PITPNB: variants seen among roughly 807,000 people sequenced by gnomAD.
The protein encoded by PITPNB is phosphatidylinositol transfer protein beta.
A neutral mutation model predicts 45.9 loss-of-function variants in PITPNB; 16 were observed. That is an observed-to-expected ratio of 0.35 (90% CI 0.24 to 0.53). The LOEUF (loss-of-function observed/expected upper bound fraction) is 0.53. Among genes scored for constraint, PITPNB ranks in the 20% least tolerant of loss-of-function variants. The pLI is 0.93. For synonymous variants in PITPNB, 112 were observed against 108.9 expected, an observed-to-expected ratio of 1.03 and a Z score of -0.18; for missense variants, 188 against 330.5, an observed-to-expected ratio of 0.57 and a Z score of 3.34.
chr22:27,887,648 T>C (rs1180362304), intron 7 of PITPNB, among the ~76,000 whole-genome samples: 1 of 151,642 alleles, frequency 6.6e-6, no homozygotes, highest in Non-Finnish European at 1.5e-5. Flanking sequence ...GGCCTATTCA[T>C]AGTTACTAAG....
intron 2 of PITPNB, among the ~76,000 whole-genome samples, chr22:27,913,569 T>C (rs1390318884): frequency 6.6e-6 from 1 of 152,244 alleles, no homozygotes; most frequent in Non-Finnish European, 1.5e-5. Flanking sequence ...GAATAGGTGA[T>C]ATATTTCTGT....
At chr22:27,873,958 G>T in intron 7 of PITPNB, 143 bp from the exon 8 acceptor site, 1 of 605,374 alleles carries the variant, frequency 1.7e-6, no homozygotes, top group Non-Finnish European at 3.0e-6. Flanking sequence ...GTAGAAAAAT[G>T]CTTCTTTAAG....
intron 1 of PITPNB, 96 bp downstream of exon 1, chr22:27,919,076 C>T (rs752298079): frequency 5.7e-5 from 91 of 1,595,192 alleles, no homozygotes; most frequent in Non-Finnish European, 7.6e-5. Flanking sequence ...TGACACAGGG[C>T]TGACTCCGAT....
intron 10 of PITPNB, 111 bp downstream of exon 10, chr22:27,858,276 G>A: frequency 2.5e-6 from 2 of 808,772 alleles, no homozygotes; most frequent in Non-Finnish European, 3.9e-6. Flanking sequence ...AGTAGAATAG[G>A]GAATGATTTT....
At chr22:27,859,096 C>T (rs914657944) in intron 9 of PITPNB, among the ~76,000 whole-genome samples, 3 of 152,030 alleles carry the variant, frequency 2.0e-5, no homozygotes, top group Non-Finnish European at 4.4e-5. Flanking sequence ...TTCAGCTTTC[C>T]CAAGAAGAGA....
chr22:27,897,712 A>T, intron 4 of PITPNB, 89 bp downstream of exon 4: 2 of 856,944 alleles, frequency 2.3e-6, no homozygotes, highest in Non-Finnish European at 4.0e-6. Flanking sequence ...GACCTTGCTC[A>T]GTGTAAACCT....
At chr22:27,865,732 A>T (rs1601382799) in intron 8 of PITPNB, among the ~76,000 whole-genome samples, 1 of 152,278 alleles carries the variant, frequency 6.6e-6, no homozygotes, top group African/African-American at 2.4e-5. Flanking sequence ...GAGGAACAAA[A>T]AAGATAACTA....
In PITPNB at chr22:27,863,664, C is replaced by T. The variant is rs138338463; in HGVS notation, c.535-3423G>A. Reference sequence around the variant, plus strand: ...ATGAAAATCTTGGGTGTACCTAGAACACTGATGCTTCAGAATTCTCCAGCA... The same window carrying T: ...ATGAAAATCTTGGGTGTACCTAGAATACTGATGCTTCAGAATTCTCCAGCA... On this transcript the variant is annotated intron_variant, in intron 8 of 11. Coordinates refer to ENST00000335272, the MANE Select transcript of PITPNB (RefSeq NM_012399.5). 3.5e-3 allele frequency among the ~76,000 whole-genome samples: 536 copies of T among 152,330 alleles called. 1 individual carries two copies. Among genetic ancestry groups the T allele is most frequent in the Middle Eastern group, 0.01 (3 of 294 alleles).
rs1413232593 is a variant in PITPNB, at chr22:27,919,149, C to T, written c.20+23G>A. ...CCATCACTGCCGTCCCACGGCCTCG[C>T]TCGCGCCCACAGACCCACTCACAAT... On this transcript the variant is annotated intron_variant, in intron 1 of 11. Coordinates refer to ENST00000335272, the MANE Select transcript of PITPNB (RefSeq NM_012399.5). 1.9e-6 allele frequency: 3 copies of T among 1,613,974 alleles called. No individual in the cohort carries two copies. In the South Asian group the frequency reaches 3.3e-5, roughly 18 times the overall value.
chr22:27,903,988 G>T (rs1046387034), intron 3 of PITPNB, among the ~76,000 whole-genome samples: 1 of 152,072 alleles, frequency 6.6e-6, no homozygotes, highest in African/African-American at 2.4e-5. Flanking sequence ...AGATAATGAG[G>T]ATGTGGAGAA....
chr22:27,897,256 C>A, intron 4 of PITPNB, 119 bp from the exon 5 acceptor site: 1 of 773,918 alleles, frequency 1.3e-6, no homozygotes, highest in South Asian at 1.5e-5. Flanking sequence ...GAAAACAGAA[C>A]ATTTATTTAG....
At chr22:27,912,295 G>A (rs1226026745) in intron 2 of PITPNB, among the ~76,000 whole-genome samples, 1 of 152,130 alleles carries the variant, frequency 6.6e-6, no homozygotes, top group Non-Finnish European at 1.5e-5. Flanking sequence ...CAATTTGGAA[G>A]TGTTTGGGAA....
chr22:27,901,306 TA>T (rs777561713), intron 3 of PITPNB, among the ~76,000 whole-genome samples: 40 of 152,196 alleles, frequency 2.6e-4, no homozygotes, highest in Admixed American at 1.1e-3. Context: ...ATTCCTTTTT[TA>T]ATCCTATTCC....
chr22:27,880,324 G>A (rs1934933222), intron 7 of PITPNB, among the ~76,000 whole-genome samples: 1 of 152,160 alleles, frequency 6.6e-6, no homozygotes, highest in Admixed American at 6.5e-5. Flanking sequence ...CCTTAAAAAA[G>A]AGTTTACATG....
chr22:27,919,127 T>C (rs749475283), intron 1 of PITPNB, 45 bp downstream of exon 1: 19 of 1,613,808 alleles, frequency 1.2e-5, no homozygotes, highest in Non-Finnish European at 1.5e-5. Flanking sequence ...AAATCTCCCA[T>C]CACTGCCGTC....
chr22:27,904,440 G>A (rs1569031442), intron 3 of PITPNB, among the ~76,000 whole-genome samples: 1 of 152,188 alleles, frequency 6.6e-6, no homozygotes, highest in Non-Finnish European at 1.5e-5. Flanking sequence ...GAGACAGAAA[G>A]TAGATCAGTG....
Position 27,895,459 on chromosome 22 carries a change from G to A in PITPNB, c.373-821C>T, listed in dbSNP as rs145115824. ...ACAAAAGTTAGCCAGGCATGGTGGT[G>A]CATGCCTGCAGTCCCAGCTACTTGG... is the stretch of plus-strand genomic sequence containing the variant. On this transcript the variant is annotated intron_variant, in intron 6 of 11. Coordinates refer to ENST00000335272, the MANE Select transcript of PITPNB (RefSeq NM_012399.5). 6.8e-3 allele frequency among the ~76,000 whole-genome samples: 1,031 copies of A among 151,956 alleles called. 7 individuals carry two copies. The highest frequency in any genetic ancestry group is 0.023 in the African/African-American group (937 of 41,438).
chr22:27,878,419 G>A (rs1934880088), intron 7 of PITPNB, among the ~76,000 whole-genome samples: 1 of 152,028 alleles, frequency 6.6e-6, no homozygotes, highest in Non-Finnish European at 1.5e-5. Flanking sequence ...AAATAACAGA[G>A]GTGTAAAGAG....
chr22:27,897,664 C>T, intron 4 of PITPNB, 137 bp downstream of exon 4: 1 of 660,136 alleles, frequency 1.5e-6, no homozygotes, highest in Non-Finnish European at 2.7e-6. Flanking sequence ...CCTTCCTCTG[C>T]CATCATTCTA....
Sources: gnomAD v4.1 joint callset for allele counts (sites outside exome capture counted in the v4.1 genomes callset) on GRCh38, gnomAD v4.1.1 for gene constraint, MANE v1.5 for transcripts, NCBI Gene and HGNC (gene_info 2026-07-23, HGNC 2026-07-21) for gene names.